HSD17B12: variants seen among roughly 807,000 people sequenced by gnomAD.
The protein encoded by HSD17B12 is very-long-chain 3-oxoacyl-CoA reductase.
Under a neutral mutation model 39.3 loss-of-function variants are expected in HSD17B12, and 32 were observed. The observed-to-expected ratio is 0.81, with a 90% CI of 0.61 to 1.09. The LOEUF is 1.09. Among genes scored for constraint, HSD17B12 ranks in the 50% least tolerant of loss-of-function variants. The pLI is 0.00. For missense variants in HSD17B12, 342 were observed against 382.9 expected (o/e 0.89, Z 0.89); for synonymous variants, 150 against 146.7 (o/e 1.02, Z -0.16).
In HSD17B12 at chr11:43,773,067, C is replaced by T. The variant is rs1878766; in HGVS notation, c.283+18946C>T. On this transcript the variant is annotated intron_variant, in intron 3 of 10. Transcript: ENST00000278353. ...TGGAGGTTACAGTGAGCAGAGATTG[C>T]GCTACTGCACTCCATCCTGGGCAAC... Among the ~76,000 whole-genome samples the T allele has an allele frequency of 3.9e-3, 599 of 152,160 alleles. 7 individuals carry two copies. In the East Asian group the frequency reaches 0.045, roughly 11 times the overall value.
chr11:43,754,245 A>C (rs1372374884), intron 3 of HSD17B12, 124 bp downstream of exon 3: 1 of 675,456 alleles, frequency 1.5e-6, no homozygotes, highest in African/African-American at 1.8e-5. Flanking sequence ...ATCATTAAAG[A>C]GCATGAAAAA....
chr11:43,684,602 T>C (rs1949780727), intron 1 of HSD17B12, among the ~76,000 whole-genome samples: 1 of 152,238 alleles, frequency 6.6e-6, no homozygotes, highest in Admixed American at 6.5e-5. Flanking sequence ...TGAGCACTTA[T>C]TTTTAGTTTT....
the HSD17B12 span, among the ~76,000 whole-genome samples, chr11:43,583,005 G>A: frequency 7.2e-5 from 11 of 152,318 alleles, no homozygotes; most frequent in South Asian, 1.9e-3. Flanking sequence ...TTTGCGGAGG[G>A]AGAGGCATAA....
At chr11:43,590,248 C>A in the HSD17B12 span, among the ~76,000 whole-genome samples, 1 of 150,814 alleles carries the variant, frequency 6.6e-6, no homozygotes, top group African/African-American at 2.4e-5. Flanking sequence ...GAGTCTGGAG[C>A]TGAATCAATG....
At chr11:43,561,073 G>A in the HSD17B12 span, among the ~76,000 whole-genome samples, 2 of 152,176 alleles carry the variant, frequency 1.3e-5, no homozygotes, top group South Asian at 2.1e-4. Context: ...CACTGAAGCC[G>A]TGGCTTAGAG....
chr11:43,743,850 A>C (rs906933849), intron 1 of HSD17B12, among the ~76,000 whole-genome samples: 46 of 152,210 alleles, frequency 3.0e-4, no homozygotes, highest in Non-Finnish European at 1.2e-4. Flanking sequence ...TCAAGAAGGA[A>C]CTTAGAGGAA....
chr11:43,836,495 T>A (rs1951371925), intron 7 of HSD17B12, among the ~76,000 whole-genome samples: 1 of 152,108 alleles, frequency 6.6e-6, no homozygotes, highest in Admixed American at 6.5e-5. Context: ...CATAAATATT[T>A]TTCTCTCTCT....
the HSD17B12 span, among the ~76,000 whole-genome samples, chr11:43,606,420 A>G: frequency 1.3e-5 from 2 of 152,192 alleles, no homozygotes; most frequent in African/African-American, 2.4e-5. Flanking sequence ...TTACTATGTG[A>G]TTATAGCTGA....
intron 9 of HSD17B12, among the ~76,000 whole-genome samples, chr11:43,846,491 C>G (rs908085202): frequency 2.6e-5 from 4 of 152,096 alleles, no homozygotes; most frequent in African/African-American, 9.7e-5. Flanking sequence ...TGGCGAAATC[C>G]CGTCTCTCCT....
the HSD17B12 span, among the ~76,000 whole-genome samples, chr11:43,610,346 G>A: frequency 1.3e-5 from 2 of 152,118 alleles, no homozygotes; most frequent in African/African-American, 4.8e-5. Context: ...TGTTTAATAA[G>A]GCAGGGTGGT....
chr11:43,730,712 C>G (rs1950259776), intron 1 of HSD17B12, among the ~76,000 whole-genome samples: 1 of 152,134 alleles, frequency 6.6e-6, no homozygotes, highest in South Asian at 2.1e-4. Context: ...TTGATTTCTC[C>G]TAGGTGTAAA....
the HSD17B12 span, among the ~76,000 whole-genome samples, chr11:43,609,707 A>G: frequency 6.6e-6 from 1 of 152,164 alleles, no homozygotes; most frequent in African/African-American, 2.4e-5. Context: ...TCTGGTAAAG[A>G]AAGAGGACCC....
chr11:43,789,842 G>A (rs1433383477), intron 3 of HSD17B12, among the ~76,000 whole-genome samples: 1 of 152,076 alleles, frequency 6.6e-6, no homozygotes, highest in African/African-American at 2.4e-5. Flanking sequence ...TGAGATGGGA[G>A]GATCTCTTGA....
the HSD17B12 span, among the ~76,000 whole-genome samples, chr11:43,654,142 C>T: frequency 1.3e-5 from 2 of 152,018 alleles, no homozygotes; most frequent in Non-Finnish European, 2.9e-5. Flanking sequence ...TCTCTGATGG[C>T]CAGTGATGGT....
chr11:43,767,319 T>C (rs1950604876), intron 3 of HSD17B12, among the ~76,000 whole-genome samples: 1 of 152,228 alleles, frequency 6.6e-6, no homozygotes, highest in Admixed American at 6.5e-5. Context: ...GTTGTTGTTC[T>C]AAGTGGATAA....
chr11:43,847,368 A>G (rs1472253901), intron 9 of HSD17B12, among the ~76,000 whole-genome samples: 1 of 152,210 alleles, frequency 6.6e-6, no homozygotes, highest in Non-Finnish European at 1.5e-5. Flanking sequence ...GCAGGAGATT[A>G]CAAAAGAATA....
intron 1 of HSD17B12, among the ~76,000 whole-genome samples, chr11:43,742,137 A>ATTT (rs1238363486): frequency 5.9e-5 from 5 of 85,130 alleles, no homozygotes; most frequent in East Asian, 5.7e-4. Context: ...ATATATATAT[A>ATTT]TATTTTTTTT....
At chr11:43,558,564 G>A in the HSD17B12 span, among the ~76,000 whole-genome samples, 2 of 152,084 alleles carry the variant, frequency 1.3e-5, no homozygotes, top group African/African-American at 4.8e-5. Flanking sequence ...GGAACACAGG[G>A]GGAGGAGGGA....
At chr11:43,630,805 C>CTTTTTTTTT in the HSD17B12 span, among the ~76,000 whole-genome samples, 1 of 137,988 alleles carries the variant, frequency 7.2e-6, no homozygotes, top group Non-Finnish European at 1.6e-5. Context: ...TTTTTTCTTT[C>CTTTTTTTTT]TTTTTTTTTT....
Sources: gnomAD v4.1 joint callset for allele counts (sites outside exome capture counted in the v4.1 genomes callset) on GRCh38, gnomAD v4.1.1 for gene constraint, MANE v1.5 for transcripts, NCBI Gene and HGNC (gene_info 2026-07-23, HGNC 2026-07-21) for gene names.